The following ZNF892 variants were observed in gnomAD, a reference collection of about 807,000 sequenced individuals.
The protein encoded by ZNF892 is zinc finger protein 570-like.
the ZNF892 span, among the ~76,000 whole-genome samples, chr2:95,224,261 G>A: frequency 6.6e-6 from 1 of 152,222 alleles, no homozygotes; most frequent in Non-Finnish European, 1.5e-5. Flanking sequence ...CACTGTCTAT[G>A]TTTGTAGATT....
At chr2:95,226,773 C>T in the ZNF892 span, among the ~76,000 whole-genome samples, 3 of 152,072 alleles carry the variant, frequency 2.0e-5, no homozygotes, top group African/African-American at 7.2e-5. Flanking sequence ...CTTAGGCCCA[C>T]GTGTCCCTGT....
At chr2:95,233,751 C>T in the ZNF892 span, among the ~76,000 whole-genome samples, 6 of 151,342 alleles carry the variant, frequency 4.0e-5, no homozygotes, top group East Asian at 3.9e-4. Context: ...CTCCCTGCCT[C>T]GGCCTCCCAG....
At chr2:95,210,847 G>A in the ZNF892 span, among the ~76,000 whole-genome samples, 1 of 152,130 alleles carries the variant, frequency 6.6e-6, no homozygotes, top group Non-Finnish European at 1.5e-5. Flanking sequence ...TAGAGAGTCA[G>A]GGAAGGCTTC....
the ZNF892 span, among the ~76,000 whole-genome samples, chr2:95,211,038 T>G: frequency 6.6e-6 from 1 of 152,094 alleles, no homozygotes; most frequent in Non-Finnish European, 1.5e-5. Flanking sequence ...GCGGGCAGAT[T>G]GATCAGGGTC....
chr2:95,239,882 G>A, the ZNF892 span, among the ~76,000 whole-genome samples: 3 of 152,058 alleles, frequency 2.0e-5, no homozygotes, highest in Non-Finnish European at 4.4e-5. Context: ...CACCCACCTC[G>A]GCCTCCCAAA....
At chr2:95,242,137 A>G in the ZNF892 span, among the ~76,000 whole-genome samples, 2 of 152,218 alleles carry the variant, frequency 1.3e-5, no homozygotes, top group South Asian at 4.1e-4. Flanking sequence ...CAGGAAATGC[A>G]GAGAACCCCA....
the ZNF892 span, among the ~76,000 whole-genome samples, chr2:95,254,243 G>A: frequency 6.6e-6 from 1 of 152,152 alleles, no homozygotes; most frequent in Non-Finnish European, 1.5e-5. Context: ...TTATTATTTT[G>A]AGATACGTCC....
At chr2:95,215,505 C>A in the ZNF892 span, 1 of 419,914 alleles carries the variant, frequency 2.4e-6, no homozygotes, top group East Asian at 3.5e-5. Context: ...CCTCTCTCAA[C>A]ATCAGAAAAC....
chr2:95,260,764 C>G, the ZNF892 span, among the ~76,000 whole-genome samples: 1 of 152,206 alleles, frequency 6.6e-6, no homozygotes. Context: ...CCTGCCTCAT[C>G]TGCAAGAATG....
the ZNF892 span, among the ~76,000 whole-genome samples, chr2:95,211,375 T>C: frequency 6.6e-6 from 1 of 152,268 alleles, no homozygotes; most frequent in Non-Finnish European, 1.5e-5. Flanking sequence ...AAGTTTTACA[T>C]TGAAGGTGCT....
the ZNF892 span, among the ~76,000 whole-genome samples, chr2:95,257,777 CT>C: frequency 6.6e-6 from 1 of 152,196 alleles, no homozygotes; most frequent in Non-Finnish European, 1.5e-5. Flanking sequence ...GCGGGCGCCC[CT>C]CCCCCAGCCT....
the ZNF892 span, among the ~76,000 whole-genome samples, chr2:95,236,358 A>G: frequency 6.6e-6 from 1 of 152,264 alleles, no homozygotes; most frequent in Non-Finnish European, 1.5e-5. Flanking sequence ...GCTGTAAGGT[A>G]TAGATAGCTT....
At chr2:95,223,400 G>C in the ZNF892 span, among the ~76,000 whole-genome samples, 23 of 151,748 alleles carry the variant, frequency 1.5e-4, no homozygotes, top group Admixed American at 2.6e-4. Context: ...GTTTTTTTGG[G>C]GGGGAGGAGG....
chr2:95,243,748 G>A, the ZNF892 span, among the ~76,000 whole-genome samples: 7 of 150,554 alleles, frequency 4.6e-5, no homozygotes, highest in Non-Finnish European at 1.0e-4. Flanking sequence ...CCGGCCAGCC[G>A]CCCCGTCCGG....
chr2:95,234,112 C>A, the ZNF892 span, among the ~76,000 whole-genome samples: 68 of 152,264 alleles, frequency 4.5e-4, no homozygotes, highest in African/African-American at 1.6e-3. Flanking sequence ...ACCTCCGCCT[C>A]CCAGGTTCAA....
chr2:95,224,765 G>A, the ZNF892 span, among the ~76,000 whole-genome samples: 1 of 152,234 alleles, frequency 6.6e-6, no homozygotes, highest in Admixed American at 6.5e-5. Context: ...CCCCAGTGAG[G>A]TGGTTCTGGG....
chr2:95,223,810 T>G, the ZNF892 span, among the ~76,000 whole-genome samples: 1 of 152,224 alleles, frequency 6.6e-6, no homozygotes, highest in Non-Finnish European at 1.5e-5. Flanking sequence ...TAGAACATTA[T>G]CACCTCTAAA....
the ZNF892 span, among the ~76,000 whole-genome samples, chr2:95,231,812 C>T: frequency 2.6e-5 from 4 of 152,184 alleles, no homozygotes; most frequent in Middle Eastern, 3.4e-3. Context: ...TCCGTTCAGC[C>T]TCACCAGGTG....
the ZNF892 span, among the ~76,000 whole-genome samples, chr2:95,246,366 AAAT>A: frequency 6.6e-6 from 1 of 152,222 alleles, no homozygotes; most frequent in African/African-American, 2.4e-5. Context: ...ACATACCCCA[AAAT>A]AATAAGAGCC....
Sources: allele counts gnomAD v4.1 joint callset (sites outside exome capture counted in the v4.1 genomes callset), GRCh38; gene constraint gnomAD v4.1.1; transcripts MANE v1.5; gene names NCBI Gene and HGNC (gene_info 2026-07-23, HGNC 2026-07-21).